TRIML2: variants seen among roughly 807,000 people sequenced by gnomAD.
The protein encoded by TRIML2 is tripartite motif family like 2, also known as probable E3 ubiquitin-protein ligase TRIML2.
In TRIML2, 28 loss-of-function variants were observed where a neutral mutation model predicts 31.2. That is an observed-to-expected ratio of 0.90 (90% CI 0.66 to 1.23). The LOEUF is 1.23. Ranked by LOEUF, TRIML2 falls within the 50% of genes most tolerant of loss-of-function variation. The pLI is 0.00. For missense variants in TRIML2, 536 were observed against 528.3 expected (o/e 1.01, Z -0.14); for synonymous variants, 187 against 197.5 (o/e 0.95, Z 0.45).
At chr4:188,109,013 A>G (rs1424750684) in intron 1 of TRIML2, among the ~76,000 whole-genome samples, 1 of 152,130 alleles carries the variant, frequency 6.6e-6, no homozygotes, top group African/African-American at 2.4e-5. Flanking sequence ...TGAAGGTGTA[A>G]TGAGAGAGGG....
chr4:188,092,262 C>A (rs1031401584), intron 7 of TRIML2, among the ~76,000 whole-genome samples: 2 of 152,056 alleles, frequency 1.3e-5, no homozygotes, highest in African/African-American at 4.8e-5. Flanking sequence ...GAGTTCAAGA[C>A]CAGCCTGGTC....
intron 5 of TRIML2, chr4:188,098,370 G>A (rs2111168400): frequency 2.6e-5 from 9 of 342,378 alleles, no homozygotes; most frequent in South Asian, 1.9e-4. Flanking sequence ...GTCTTCCTCG[G>A]CCTCTTTTAT....
rs968280816 is a variant in TRIML2, at chr4:188,109,224, T to A, written c.-223+19A>T. ...AAACAATTATTAAGAAAATGATCTATAGAGAAAATCTCACTTACTTTCTTT... is the reference window on the plus strand; with the variant it reads ...AAACAATTATTAAGAAAATGATCTAAAGAGAAAATCTCACTTACTTTCTTT... On this transcript the variant is annotated intron_variant, in intron 1 of 7. Transcript: ENST00000682553. 1 of 150,614 alleles carries A rather than the reference T, an allele frequency of 6.6e-6. No homozygotes were observed. Among genetic ancestry groups the A allele is most frequent in the African/African-American group, 2.4e-5 (1 of 40,904 alleles). The allele number at this position is 150,614 out of a possible 1,614,324, so 9.3% of individuals were successfully genotyped here.
At chr4:188,103,342 G>A (rs995714142) in intron 3 of TRIML2, among the ~76,000 whole-genome samples, 21 of 152,102 alleles carry the variant, frequency 1.4e-4, no homozygotes, top group African/African-American at 4.8e-4. Flanking sequence ...GGCAGCTAGC[G>A]TGTTTCTATG....
chr4:188,091,574 G>C lies in TRIML2; in HGVS notation c.1113C>G (p.Gly371=), dbSNP rs2279550. 810,379 of 1,613,790 alleles carry C rather than the reference G, an allele frequency of 0.5. 213,556 individuals carry two copies. Among genetic ancestry groups the C allele is most frequent in the East Asian group, 0.92 (41,170 of 44,850 alleles). ...GCCCGTGTTCGCAGTCAAGGAAAACGCCAACTGTGTCCAACTTCTTTTCCA... is the reference window on the plus strand; with the variant it reads ...GCCCGTGTTCGCAGTCAAGGAAAACCCCAACTGTGTCCAACTTCTTTTCCA... ...LFLEKKLDTV[G]VFLDCEHGQI... Residue 371 remains glycine (G), a synonymous_variant, in exon 8 of 8, where the codon GGC becomes GGG. Transcript: ENST00000682553.
At chr4:188,096,130 G>T (rs1733497548) in intron 7 of TRIML2, among the ~76,000 whole-genome samples, 1 of 152,206 alleles carries the variant, frequency 6.6e-6, no homozygotes, top group African/African-American at 2.4e-5. Flanking sequence ...CAGGCGTGGT[G>T]GCTCACGCCT....
Position 188,099,165 on chromosome 4 carries a change from CG to C in TRIML2, c.490del (p.Arg164ValfsTer10). The C allele has an allele frequency of 6.2e-7, 1 of 1,608,398 alleles. No individual in the cohort carries two copies. The highest frequency in any genetic ancestry group is 1.1e-5 in the South Asian group (1 of 89,732). ...TTTCTCCATGTTCTCTCTCCCCACA[CG>C]GCCCAGTCTCTGCAGAAGCATTTCT... ...MFQEMLQRLG[R>X]VGRENMEKLK... On this transcript the variant is annotated frameshift_variant, in exon 5 of 8. Transcript: ENST00000682553. LOFTEE classifies it high-confidence loss of function.
intron 7 of TRIML2, among the ~76,000 whole-genome samples, 173 bp downstream of exon 7, chr4:188,096,888 C>T (rs542339089): frequency 6.6e-6 from 1 of 152,098 alleles, no homozygotes; most frequent in African/African-American, 2.4e-5. Context: ...AACTCCTGGC[C>T]TCAAGCAAAC....
chr4:188,102,066 C>G (rs1733818831), intron 3 of TRIML2, among the ~76,000 whole-genome samples: 1 of 146,272 alleles, frequency 6.8e-6, no homozygotes, highest in Admixed American at 7.0e-5. Flanking sequence ...GGAGGTGGAG[C>G]TTGCAGTGAG....
chr4:188,096,245 A>G (rs1733504138), intron 7 of TRIML2, among the ~76,000 whole-genome samples: 1 of 139,162 alleles, frequency 7.2e-6, no homozygotes. Flanking sequence ...CCATAAATAC[A>G]AAAAATTAGC....
chr4:188,106,115 T>C (rs1346589854), intron 1 of TRIML2: 1 of 151,564 alleles, frequency 6.6e-6, no homozygotes, highest in South Asian at 2.1e-4. Flanking sequence ...GGTGGCGCGA[T>C]CTCGGCTCCC....
At chr4:188,103,778 T>C (rs1406839752) in intron 3 of TRIML2, among the ~76,000 whole-genome samples, 1 of 152,174 alleles carries the variant, frequency 6.6e-6, no homozygotes, top group African/African-American at 2.4e-5. Context: ...TGTTTTCCAT[T>C]GGTGAGCCCC....
At chr4:188,099,285 G>A (rs555497665) in intron 4 of TRIML2, 110 bp from the exon 5 acceptor site, 19 of 1,411,558 alleles carry the variant, frequency 1.3e-5, no homozygotes, top group Non-Finnish European at 1.3e-5. Flanking sequence ...CCTGCTTTTC[G>A]GTTGGGCGCA....
chr4:188,093,149 C>T (rs1733343340), intron 7 of TRIML2: 2 of 245,512 alleles, frequency 8.1e-6, no homozygotes, highest in Non-Finnish European at 1.6e-5. Context: ...GTTGTCTAAG[C>T]CATAAACCTG....
intron 5 of TRIML2, 66 bp downstream of exon 5, chr4:188,098,969 G>A (rs1733648173): frequency 4.5e-6 from 7 of 1,567,048 alleles, no homozygotes; most frequent in East Asian, 2.2e-5. Context: ...CCCCTAATGA[G>A]TACTGTCCAC....
At chr4:188,109,161 C>CGCACACACACACAT (rs35656996) in intron 1 of TRIML2, 82 bp downstream of exon 1, 3 of 41,322 alleles carry the variant, frequency 7.3e-5, no homozygotes. Context: ...TACACACACA[C>CGCACACACACACAT]ACACATAGAT....
chr4:188,097,022 A>G, intron 7 of TRIML2, 39 bp downstream of exon 7: 2 of 1,403,082 alleles, frequency 1.4e-6, no homozygotes, highest in Non-Finnish European at 2.0e-6. Context: ...TCTCAAATGC[A>G]GAACAGTGCC....
chr4:188,103,117 A>G (rs1176409434), intron 3 of TRIML2, among the ~76,000 whole-genome samples: 4 of 141,220 alleles, frequency 2.8e-5, no homozygotes, highest in African/African-American at 1.1e-4. Context: ...AGTTCATGCC[A>G]TTCTCCTGCC....
intron 3 of TRIML2, among the ~76,000 whole-genome samples, chr4:188,104,037 A>T (rs1176791151): frequency 6.6e-6 from 1 of 152,204 alleles, no homozygotes; most frequent in East Asian, 1.9e-4. Flanking sequence ...TAGAAGTGAA[A>T]TATGCCTAAC....
Sources: allele counts gnomAD v4.1 joint callset (sites outside exome capture counted in the v4.1 genomes callset), GRCh38; gene constraint gnomAD v4.1.1; transcripts MANE v1.5; gene names NCBI Gene and HGNC (gene_info 2026-07-23, HGNC 2026-07-21).